Variants in ALK observed in about 807,000 individuals in gnomAD.
ALK encodes the protein ALK tyrosine kinase receptor.
Under a neutral mutation model 163.1 loss-of-function variants are expected in ALK, and 74 were observed. The ratio of observed to expected loss-of-function variants is 0.45; its 90% CI spans 0.38 to 0.55. The LOEUF is 0.55. ALK is among the 20% of genes least tolerant of loss of function. The pLI, the probability that ALK is intolerant of heterozygous loss-of-function variation, is 0.00. For synonymous variants in ALK, 960 were observed against 843.2 expected, an observed-to-expected ratio of 1.14 and a Z score of -2.40; for missense variants, 2,063 against 2,105.3, an observed-to-expected ratio of 0.98 and a Z score of 0.39.
At chr2:29,828,806 C>T (rs1665277604) in intron 1 of ALK, among the ~76,000 whole-genome samples, 2 of 152,008 alleles carry the variant, frequency 1.3e-5, no homozygotes, top group South Asian at 4.2e-4. Flanking sequence ...CCAGCCATCC[C>T]ATTACTGGGT....
At chr2:29,260,734 T>C (rs1037168066) in intron 11 of ALK, among the ~76,000 whole-genome samples, 1 of 152,080 alleles carries the variant, frequency 6.6e-6, no homozygotes, top group Non-Finnish European at 1.5e-5. Flanking sequence ...CTTGGGAGGC[T>C]GAGGCAGGTG....
chr2:29,779,794 A>G (rs1448529148), intron 1 of ALK, among the ~76,000 whole-genome samples: 1 of 152,236 alleles, frequency 6.6e-6, no homozygotes, highest in Non-Finnish European at 1.5e-5. Context: ...GAATCAGATA[A>G]ACAGAGTGTA....
chr2:29,432,461 G>A (rs1205404979), intron 4 of ALK, among the ~76,000 whole-genome samples: 3 of 152,150 alleles, frequency 2.0e-5, no homozygotes, highest in African/African-American at 4.8e-5. Flanking sequence ...CGTACAGCCT[G>A]CAGACCCTTG....
At chr2:29,255,182 G>T (rs1439116742) in intron 11 of ALK, among the ~76,000 whole-genome samples, 1 of 152,156 alleles carries the variant, frequency 6.6e-6, no homozygotes, top group Non-Finnish European at 1.5e-5. Flanking sequence ...CACTGCCTCT[G>T]GGGGTGTGGA....
chr2:29,476,987 G>T (rs1045676213), intron 4 of ALK, among the ~76,000 whole-genome samples: 2 of 152,160 alleles, frequency 1.3e-5, no homozygotes, highest in Non-Finnish European at 2.9e-5. Flanking sequence ...CATATGTCCT[G>T]ATAGACCACA....
chr2:29,488,284 C>T (rs1273803439), intron 4 of ALK, among the ~76,000 whole-genome samples: 2 of 152,188 alleles, frequency 1.3e-5, no homozygotes, highest in Non-Finnish European at 2.9e-5. Context: ...CACCATGTTC[C>T]ACCAGGTGCT....
At chr2:29,400,102 T>A (rs1215121742) in intron 4 of ALK, among the ~76,000 whole-genome samples, 3 of 152,166 alleles carry the variant, frequency 2.0e-5, no homozygotes, top group African/African-American at 4.8e-5. Context: ...TGGAGCCCCA[T>A]GTTGAGTTAA....
intron 1 of ALK, among the ~76,000 whole-genome samples, chr2:29,901,256 T>C (rs1284644834): frequency 6.6e-6 from 1 of 152,218 alleles, no homozygotes. Context: ...GTGCCTGGCA[T>C]GTAATAGATG....
At chr2:29,790,889 A>G (rs948269300) in intron 1 of ALK, among the ~76,000 whole-genome samples, 3 of 152,142 alleles carry the variant, frequency 2.0e-5, no homozygotes, top group African/African-American at 7.2e-5. Context: ...CGGCCAAAAA[A>G]TAATCCTTTA....
chr2:29,445,477 TC>T (rs1484914608), intron 4 of ALK, among the ~76,000 whole-genome samples: 66 of 152,318 alleles, frequency 4.3e-4, no homozygotes, highest in Non-Finnish European at 1.5e-5. Flanking sequence ...TCACATCGCT[TC>T]CCAGTGGCAG....
intron 8 of ALK, among the ~76,000 whole-genome samples, chr2:29,301,129 C>T (rs1243404705): frequency 6.6e-6 from 1 of 152,180 alleles, no homozygotes; most frequent in Non-Finnish European, 1.5e-5. Flanking sequence ...TCCAGACTCC[C>T]CTACACCAGT....
intron 4 of ALK, among the ~76,000 whole-genome samples, chr2:29,416,519 A>T (rs1045860071): frequency 6.6e-6 from 1 of 152,242 alleles, no homozygotes. Flanking sequence ...AGAGTTTAGT[A>T]TGATTAACAG....
intron 2 of ALK, among the ~76,000 whole-genome samples, chr2:29,705,289 A>ATATATATATATC (rs1678875518): frequency 8.5e-6 from 1 of 117,956 alleles, no homozygotes; most frequent in African/African-American, 3.1e-5. Context: ...ATAAATATAT[A>ATATATATATATC]TCTGCTGTGA....
At chr2:29,286,909 G>A (rs1283805160) in intron 9 of ALK, 1 of 151,102 alleles carries the variant, frequency 6.6e-6, no homozygotes, top group African/African-American at 2.4e-5. Context: ...CCTTGACTTA[G>A]TCTGTGACAC....
Position 29,193,726 on chromosome 2 carries a change from T to C in ALK, c.4361A>G (p.Lys1454Arg). 6.2e-7 allele frequency: 1 copy of C among 1,605,996 alleles called. No homozygotes were observed. The highest frequency in any genetic ancestry group is 8.5e-7 in the Non-Finnish European group (1 of 1,174,838). Residue 1454 changes from lysine (K) to arginine (R), a missense_variant, in exon 29 of 29, where the codon AAG becomes AGG. By Grantham distance (26) the Lys-to-Arg change is conservative. Around this residue, in one of 5 missense-constraint regions of ALK, gnomAD observed 403 missense variants for 366.2 expected, o/e 1.10. Transcript: ENST00000389048. ...AGAGATCTCTGCAGCTGTGGGTTTC[T>C]TTGCAGCCTTGCCAGAGGAGGTGGT... ...LPTTSSGKAA[K>R]KPTAAEISVR...
intron 9 of ALK, among the ~76,000 whole-genome samples, chr2:29,287,454 G>A (rs894642328): frequency 6.6e-6 from 1 of 152,068 alleles, no homozygotes; most frequent in African/African-American, 2.4e-5. Context: ...TCTTACATGT[G>A]CCAATTTTAG....
chr2:29,627,590 G>C (rs1028305913), intron 3 of ALK, among the ~76,000 whole-genome samples: 1 of 152,130 alleles, frequency 6.6e-6, no homozygotes, highest in Non-Finnish European at 1.5e-5. Context: ...CTGAGACCCC[G>C]GCAGGAGACA....
chr2:29,389,459 G>A (rs1470960903), intron 4 of ALK, among the ~76,000 whole-genome samples: 1 of 152,166 alleles, frequency 6.6e-6, no homozygotes, highest in Non-Finnish European at 1.5e-5. Context: ...AGAACAGGTG[G>A]TCCAATCTTG....
chr2:29,472,665 T>G (rs1032904374), intron 4 of ALK, among the ~76,000 whole-genome samples: 5 of 152,188 alleles, frequency 3.3e-5, no homozygotes, highest in African/African-American at 7.2e-5. Context: ...ATAGGTGAAT[T>G]TAACATGGTT....
Sources: gnomAD v4.1 joint callset for allele counts (sites outside exome capture counted in the v4.1 genomes callset) on GRCh38, gnomAD v4.1.1 for gene constraint, gnomAD v4.1.1 regional missense constraint, MANE v1.5 for transcripts, NCBI Gene and HGNC (gene_info 2026-07-23, HGNC 2026-07-21) for gene names.